Variants in MANBA observed in about 807,000 individuals in gnomAD.
MANBA encodes the protein mannosidase beta.
In MANBA, 83 loss-of-function variants were observed where a neutral mutation model predicts 111.1. The ratio of observed to expected loss-of-function variants is 0.75; its 90% confidence interval spans 0.63 to 0.90. The LOEUF is 0.90. MANBA is among the 40% of genes least tolerant of loss of function. The pLI is 0.00. For missense variants in MANBA, 1,036 were observed against 1,069.0 expected (o/e 0.97, Z 0.43); for synonymous variants, 370 against 378.7 (o/e 0.98, Z 0.27).
At chr4:102,633,627 C>A (rs1384491897) in intron 16 of MANBA, among the ~76,000 whole-genome samples, 2 of 152,120 alleles carry the variant, frequency 1.3e-5, no homozygotes, top group Non-Finnish European at 2.9e-5. Context: ...TCACTGAAAT[C>A]AAAATGAGAT....
At chr4:102,686,096 C>G (rs227283) in intron 7 of MANBA, among the ~76,000 whole-genome samples, 98,618 of 151,942 alleles carry the variant, frequency 0.65, 32,169 homozygotes, top group South Asian at 0.8. Context: ...TCCAAATCAA[C>G]ATATGGGTCC....
chr4:102,642,069 C>G (rs866242339), intron 13 of MANBA, among the ~76,000 whole-genome samples: 1 of 151,658 alleles, frequency 6.6e-6, no homozygotes, highest in Non-Finnish European at 1.5e-5. Flanking sequence ...ATGAATGACA[C>G]CTTTGTTCAT....
At chr4:102,713,272 G>C (rs925039189) in intron 5 of MANBA, among the ~76,000 whole-genome samples, 1 of 152,080 alleles carries the variant, frequency 6.6e-6, no homozygotes, top group African/African-American at 2.4e-5. Context: ...AGCATTGCAC[G>C]CTCTCATTTA....
intron 7 of MANBA, among the ~76,000 whole-genome samples, chr4:102,682,505 T>G (rs185666602): frequency 2.0e-5 from 3 of 152,336 alleles, no homozygotes; most frequent in Admixed American, 1.3e-4. Flanking sequence ...TGGAAATATT[T>G]AATAAAACTT....
intron 7 of MANBA, among the ~76,000 whole-genome samples, chr4:102,677,747 G>A (rs1226550571): frequency 1.3e-5 from 2 of 152,148 alleles, no homozygotes; most frequent in South Asian, 2.1e-4. Flanking sequence ...AGATACAGAT[G>A]AGAATCCCTT....
chr4:102,633,557 A>G (rs1479445681), intron 16 of MANBA: 1 of 397,448 alleles, frequency 2.5e-6, no homozygotes, highest in African/African-American at 2.1e-5. Flanking sequence ...ATTAGCCCCG[A>G]ATTAAACATT....
intron 5 of MANBA, among the ~76,000 whole-genome samples, chr4:102,706,191 C>T (rs1430058742): frequency 6.6e-6 from 1 of 152,222 alleles, no homozygotes; most frequent in Non-Finnish European, 1.5e-5. Flanking sequence ...GCATATACTG[C>T]ACTGAAGCCC....
intron 9 of MANBA, among the ~76,000 whole-genome samples, chr4:102,670,474 C>G (rs1033220193): frequency 6.6e-6 from 1 of 152,030 alleles, no homozygotes; most frequent in Admixed American, 6.6e-5. Context: ...TATTTTAGAA[C>G]AACAATAATA....
At position 102,729,997 on chromosome 4, in the gene MANBA, T is replaced by C. The variant is rs113494128; in HGVS notation, c.178-3314A>G. On this transcript the variant is annotated intron_variant, in intron 1 of 16. Transcript: ENST00000647097. ...GTGATGGTGGTGATGCCACCCACGCTGCTGCCCTCACCATAGCCTCCGCCC... is the reference window on the plus strand; with the variant it reads ...GTGATGGTGGTGATGCCACCCACGCCGCTGCCCTCACCATAGCCTCCGCCC... 4,484 of 864,668 alleles carry C rather than the reference T, an allele frequency of 5.2e-3. 88 individuals are homozygous for C. Among genetic ancestry groups the C allele is most frequent in the African/African-American group, 0.046 (2,806 of 60,976 alleles). 53.6% of individuals were successfully genotyped at this position (864,668 alleles called of 1,614,324 possible). A position where few individuals can be genotyped will look rare whatever the true frequency, so the allele number is the denominator to read the frequency against.
At chr4:102,755,313 A>G (rs1379755711) in intron 1 of MANBA, among the ~76,000 whole-genome samples, 3 of 152,142 alleles carry the variant, frequency 2.0e-5, no homozygotes, top group East Asian at 3.9e-4. Context: ...CAGAAATAAT[A>G]CCACACATCT....
chr4:102,653,237 C>T (rs1202462061), intron 12 of MANBA, among the ~76,000 whole-genome samples: 1 of 43,630 alleles, frequency 2.3e-5, no homozygotes, highest in African/African-American at 6.7e-5. Context: ...CACACACACA[C>T]ACACACACAC....
intron 13 of MANBA, among the ~76,000 whole-genome samples, chr4:102,643,481 T>A (rs778488891): frequency 6.6e-6 from 1 of 152,204 alleles, no homozygotes; most frequent in African/African-American, 2.4e-5. Flanking sequence ...ACAAACTGTT[T>A]ACCGCAGCAG....
chr4:102,666,578 G>A (rs929487049), intron 10 of MANBA: 10 of 152,336 alleles, frequency 6.6e-5, no homozygotes, highest in Non-Finnish European at 8.8e-5. Flanking sequence ...GGCAGTGGAT[G>A]GGGAAGATGT....
chr4:102,723,783 T>C (rs1578939498), intron 3 of MANBA, 79 bp downstream of exon 3: 1 of 788,994 alleles, frequency 1.3e-6, no homozygotes. Context: ...CAATTATGCA[T>C]TTACTTTTCT....
chr4:102,637,171 GT>G (rs2110190943), intron 14 of MANBA, among the ~76,000 whole-genome samples: 1 of 152,314 alleles, frequency 6.6e-6, no homozygotes, highest in South Asian at 2.1e-4. Flanking sequence ...CAAATTACCA[GT>G]CTCAGGTATG....
At chr4:102,691,034 A>T (rs545411344) in intron 5 of MANBA, 19 of 155,374 alleles carry the variant, frequency 1.2e-4, no homozygotes, top group African/African-American at 4.6e-4. Context: ...AGTCATAAAA[A>T]CTTTATGGAG....
rs536474155 is a variant in MANBA, at chr4:102,708,648, A to AAAG, written c.673+5789_673+5790insCTT. On this transcript the variant is annotated intron_variant, in intron 5 of 16. Coordinates refer to ENST00000647097, the MANE Select transcript of MANBA (RefSeq NM_005908.4). ...AATTAGAAGAAGAAAAGTGATAATA[A>AAAG]TGATCAGAGCAGAACTCAATGAAAT... 2.9e-3 allele frequency among the ~76,000 whole-genome samples: 435 copies of AAAG among 152,202 alleles called. 4 individuals are homozygous for AAAG. The highest frequency in any genetic ancestry group is 0.01 in the African/African-American group (424 of 41,562).
At chr4:102,753,816 C>T (rs1723897289) in intron 1 of MANBA, 1 of 257,714 alleles carries the variant, frequency 3.9e-6, no homozygotes, top group Non-Finnish European at 7.9e-6. Context: ...CCCATGGTGG[C>T]TCACACCTGT....
At chr4:102,701,182 C>T (rs1733019739) in intron 5 of MANBA, among the ~76,000 whole-genome samples, 2 of 151,362 alleles carry the variant, frequency 1.3e-5, no homozygotes, top group South Asian at 2.1e-4. Flanking sequence ...GGATTGCAAC[C>T]CCTGCCTTTT....
Sources: gnomAD v4.1 joint callset for allele counts (sites outside exome capture counted in the v4.1 genomes callset) on GRCh38, gnomAD v4.1.1 for gene constraint, MANE v1.5 for transcripts, NCBI Gene and HGNC (gene_info 2026-07-23, HGNC 2026-07-21) for gene names.